FREM3: variants seen among roughly 807,000 people sequenced by gnomAD.
FREM3 encodes the protein FRAS1-related extracellular matrix protein 3.
In FREM3, 105 loss-of-function variants were observed where a neutral mutation model predicts 129.1. That is an observed-to-expected ratio of 0.81 (90% CI 0.69 to 0.96). FREM3 has a LOEUF of 0.96. FREM3 is among the 40% of genes least tolerant of loss of function. FREM3 has a pLI of 0.00. For missense variants in FREM3, 2,593 were observed against 2,666.3 expected (o/e 0.97, Z 0.61); for synonymous variants, 1,014 against 1,044.9 (o/e 0.97, Z 0.57).
At chr4:143,604,740 A>G (rs1738639482) in intron 6 of FREM3, among the ~76,000 whole-genome samples, 1 of 152,162 alleles carries the variant, frequency 6.6e-6, no homozygotes, top group Non-Finnish European at 1.5e-5. Flanking sequence ...AATCACACAG[A>G]TGACCATGTA....
chr4:143,593,565 CA>C (rs1390356953), intron 6 of FREM3, among the ~76,000 whole-genome samples: 4 of 151,914 alleles, frequency 2.6e-5, no homozygotes, highest in African/African-American at 4.8e-5. Flanking sequence ...TGGTGAACTG[CA>C]AATGCTGCTG....
At chr4:143,587,159 C>A (rs1036530046) in intron 6 of FREM3, among the ~76,000 whole-genome samples, 7 of 152,200 alleles carry the variant, frequency 4.6e-5, no homozygotes, top group Non-Finnish European at 1.0e-4. Flanking sequence ...CTGAACACAG[C>A]ATGCATTTGT....
chr4:143,593,506 A>T (rs1405215973), intron 6 of FREM3, among the ~76,000 whole-genome samples: 2 of 152,130 alleles, frequency 1.3e-5, no homozygotes, highest in Non-Finnish European at 2.9e-5. Flanking sequence ...TCCACTCCAG[A>T]CCCTGTTTGC....
Position 143,624,116 on chromosome 4 carries a change from G to T in FREM3, c.5645C>A (p.Pro1882His). ...CAATCAGTGTCACATACCATCTCCA[G>T]GGTCTACAATTTCAACCGTTGCCAT... Reference protein sequence around the residue: ...PEMATVEIVDPGDESTVYIPE... With the variant: ...PEMATVEIVDHGDESTVYIPE... Residue 1882 changes from proline (P) to histidine (H), a missense_variant, in exon 4 of 8, where the codon CCT becomes CAT. Pro to His is a moderately conservative substitution (Grantham distance 77). This residue lies in a region of FREM3 where 317 missense variants were observed against 399.0 expected (regional missense o/e 0.79). Coordinates refer to ENST00000329798, the MANE Select transcript of FREM3 (RefSeq NM_001168235.2). The T allele has an allele frequency of 6.6e-7, 1 of 1,517,804 alleles. No homozygotes were observed. The highest frequency in any genetic ancestry group is 8.9e-7 in the Non-Finnish European group (1 of 1,129,276). 94.0% of individuals were successfully genotyped at this position (1,517,804 alleles called of 1,614,324 possible).
At chr4:143,628,507 A>G (rs80220791) in intron 2 of FREM3, among the ~76,000 whole-genome samples, 15,157 of 152,170 alleles carry the variant, frequency 0.1, 834 homozygotes, top group South Asian at 0.13. Flanking sequence ...AGAAGTCTTT[A>G]TGACTGAGTT....
chr4:143,597,326 A>G (rs1240767390), intron 6 of FREM3, among the ~76,000 whole-genome samples: 1 of 152,192 alleles, frequency 6.6e-6, no homozygotes, highest in Non-Finnish European at 1.5e-5. Flanking sequence ...CAAAAACCCA[A>G]AACACATCGT....
In FREM3 at chr4:143,585,715, G is replaced by C; in HGVS notation, c.6178+129C>G. 1.2e-6 allele frequency: 1 copy of C among 867,482 alleles called. No homozygotes were observed. Among genetic ancestry groups the C allele is most frequent in the Non-Finnish European group, 1.7e-6 (1 of 583,294 alleles). The allele number at this position is 867,482 out of a possible 1,614,324, so 53.7% of individuals were successfully genotyped here. On this transcript the variant is annotated intron_variant, in intron 7 of 7. Transcript: ENST00000329798. The surrounding 1 kb of genome is among the most constrained non-coding windows in gnomAD (Gnocchi z 4.2). The stretch of plus-strand genomic sequence containing the variant: ...GTCATTATGTATACAAACCATCTAC[G>C]TGCTGAAGCCAGAGAAACTTTCATT...
chr4:143,699,000 A>T lies in FREM3; in HGVS notation c.1676T>A (p.Val559Glu). 2 of 1,537,302 alleles carry T rather than the reference A, an allele frequency of 1.3e-6. No individual in the cohort carries two copies. The highest frequency in any genetic ancestry group is 2.4e-5 in the South Asian group (2 of 84,060). ...CAGTACAAAGGGAGAGATCTGGACC[A>T]CCTGCCCTTCAGTGAGTGAGAGTCC... ...NTGLSLTEGQ[V>E]VQISPFVLSA... Residue 559 changes from valine to glutamate, a missense_variant, in exon 1 of 8, where the codon GTG (valine) becomes GAG (glutamate). Around this residue, in one of 2 missense-constraint regions of FREM3, gnomAD observed 2,276 missense variants for 2,267.2 expected, o/e 1.00. Coordinates refer to ENST00000329798, the MANE Select transcript of FREM3 (RefSeq NM_001168235.2).
At chr4:143,610,183 A>G (rs1240447506) in intron 6 of FREM3, among the ~76,000 whole-genome samples, 1 of 152,080 alleles carries the variant, frequency 6.6e-6, no homozygotes, top group Non-Finnish European at 1.5e-5. Context: ...TTTTATTTTT[A>G]ATGGAGCAAA....
chr4:143,592,569 C>G (rs1267779456), intron 6 of FREM3, among the ~76,000 whole-genome samples: 1 of 152,146 alleles, frequency 6.6e-6, no homozygotes, highest in African/African-American at 2.4e-5. Flanking sequence ...AATATTGGCC[C>G]CCTCTCTCTT....
At position 143,699,767 on chromosome 4, in the gene FREM3, T is replaced by TCCG. The variant is rs773522822; in HGVS notation, c.908_909insCGG (p.Thr303_Pro304insGly). 5.9e-6 allele frequency: 9 copies of TCCG among 1,530,372 alleles called. No individual in the cohort carries two copies. The South Asian group carries it at 1.1e-4, about 18-fold the overall frequency. The allele number at this position is 1,530,372 out of a possible 1,614,324, so 94.8% of individuals were successfully genotyped here. ...TGGCCATGAAGCTGGGCCTGGGCGG[T>TCCG]GTGTTCTCGGCTCCGCCGCGGATCC... On this transcript the variant is annotated inframe_insertion, in exon 1 of 8. Coordinates refer to ENST00000329798, the MANE Select transcript of FREM3 (RefSeq NM_001168235.2). The surrounding 1 kb of genome is among the most constrained non-coding windows in gnomAD (Gnocchi z 4.2).
chr4:143,689,870 G>A (rs1740433870), intron 2 of FREM3, among the ~76,000 whole-genome samples: 1 of 143,126 alleles, frequency 7.0e-6, no homozygotes, highest in African/African-American at 2.5e-5. Context: ...AATGGACTTT[G>A]GGAACTTGGG....
chr4:143,696,892 C>A lies in FREM3; in HGVS notation c.3784G>T (p.Glu1262Ter). ...IHSFTLKEIQ[E>*]ASTIVYEHDD... ...TGCTCATACACAATGGTGGAGGCCT[C>A]CTGGATCTCCTTGAGGGTGAAGCTG... Residue 1262 changes from glutamate (E) to a stop codon, truncating the protein, a stop_gained, in exon 1 of 8, where the codon GAG becomes TAG. Coordinates refer to ENST00000329798, the MANE Select transcript of FREM3 (RefSeq NM_001168235.2). LOFTEE classifies it high-confidence loss of function. 1 of 1,537,666 alleles carries A rather than the reference C, an allele frequency of 6.5e-7. No homozygotes were observed. The highest frequency in any genetic ancestry group is 8.7e-7 in the Non-Finnish European group (1 of 1,147,026).
In FREM3 at chr4:143,698,843, C is replaced by T; in HGVS notation, c.1833G>A (p.Gly611=). 6.5e-7 allele frequency: 1 copy of T among 1,537,726 alleles called. No individual in the cohort carries two copies. The highest frequency in any genetic ancestry group is 1.2e-5 in the South Asian group (1 of 84,054). The change falls in exon 1 of 8, where the codon GGG becomes GGA. Residue 611 remains glycine, a synonymous_variant. Transcript: ENST00000329798. The part of the protein sequence containing the change: ...PGSSHSGHYL[G]DLLLQQAELP... The stretch of plus-strand genomic sequence containing the variant: ...GTTCAGCCTGCTGCAGCAACAGGTC[C>T]CCCAGGTAGTGGCCTGAGTGGGAGG...
rs769157204 is a variant in FREM3, at chr4:143,653,226, TG to T, written c.5276-25467del. Among the ~76,000 whole-genome samples, 298 of 152,312 alleles carry T rather than the reference TG, an allele frequency of 2.0e-3. 1 individual carries two copies. The highest frequency in any genetic ancestry group is 3.3e-3 in the Non-Finnish European group (223 of 68,024). ...AGCCCAACTTAGCTAGAGCCCCTGCTGGGGGTCTCAAAAGACTGAAGTCAAC... is the reference window on the plus strand; with the variant it reads ...AGCCCAACTTAGCTAGAGCCCCTGCTGGGGTCTCAAAAGACTGAAGTCAAC... On this transcript the variant is annotated intron_variant, in intron 2 of 7. Coordinates refer to ENST00000329798, the MANE Select transcript of FREM3 (RefSeq NM_001168235.2).
At chr4:143,676,170 G>A (rs1740116296) in intron 2 of FREM3, among the ~76,000 whole-genome samples, 2 of 152,092 alleles carry the variant, frequency 1.3e-5, no homozygotes, top group Admixed American at 1.3e-4. Flanking sequence ...GAATCCAGCA[G>A]CACATCAAAA....
At chr4:143,670,869 G>T (rs1291964293) in intron 2 of FREM3, among the ~76,000 whole-genome samples, 2 of 151,810 alleles carry the variant, frequency 1.3e-5, no homozygotes, top group Non-Finnish European at 2.9e-5. Flanking sequence ...GGAATCACAT[G>T]ATTAAAAAAA....
At chr4:143,607,990 G>A (rs1297638313) in intron 6 of FREM3, among the ~76,000 whole-genome samples, 1 of 152,082 alleles carries the variant, frequency 6.6e-6, no homozygotes, top group African/African-American at 2.4e-5. Context: ...CAGCTTCAAA[G>A]TGCATCACTC....
intron 2 of FREM3, among the ~76,000 whole-genome samples, chr4:143,655,365 A>G (rs1207464401): frequency 6.6e-6 from 1 of 152,252 alleles, no homozygotes; most frequent in East Asian, 1.9e-4. Flanking sequence ...CAGGCGAAAC[A>G]GGGAAATAGC....
Sources: allele counts gnomAD v4.1 joint callset (sites outside exome capture counted in the v4.1 genomes callset), GRCh38; gene constraint gnomAD v4.1.1; regional missense constraint gnomAD v4.1.1; non-coding constraint Gnocchi (gnomAD v3.1); transcripts MANE v1.5; gene names NCBI Gene and HGNC (gene_info 2026-07-23, HGNC 2026-07-21).